The following LANCL2 variants were observed in gnomAD, a reference collection of about 807,000 sequenced individuals.
The protein encoded by LANCL2 is lanC-like protein 2.
Under a neutral mutation model 56.9 loss-of-function variants are expected in LANCL2, and 33 were observed. The observed-to-expected ratio is 0.58, with a 90% CI of 0.44 to 0.78. LANCL2 has a LOEUF of 0.78. LANCL2 is among the 30% of genes least tolerant of loss of function. LANCL2 has a pLI of 0.00. For missense variants in LANCL2, 562 were observed against 580.2 expected (o/e 0.97, Z 0.32); for synonymous variants, 233 against 228.2 (o/e 1.02, Z -0.19).
intron 2 of LANCL2, among the ~76,000 whole-genome samples, chr7:55,397,656 CTTTTTTT>C (rs10659615): frequency 2.8e-5 from 3 of 108,852 alleles, no homozygotes; most frequent in Admixed American, 1.0e-4. Context: ...TATACTGATT[CTTTTTTT>C]TTTTTTTTTT....
chr7:55,376,016 T>C (rs1397089747), intron 1 of LANCL2, among the ~76,000 whole-genome samples: 1 of 152,232 alleles, frequency 6.6e-6, no homozygotes, highest in African/African-American at 2.4e-5. Context: ...TTTTATGGGC[T>C]CATGGGATTA....
rs1175793894 is a variant in LANCL2, at chr7:55,402,086, C to T, written c.825+766C>T. Among the ~76,000 whole-genome samples the T allele has an allele frequency of 3.5e-5, 5 of 144,308 alleles. No homozygotes were observed. The East Asian group carries it at 1.1e-3, about 30-fold the overall frequency. 94.7% of individuals were successfully genotyped at this position (144,308 alleles called of 152,430 possible). On this transcript the variant is annotated intron_variant, in intron 5 of 8. Transcript: ENST00000254770. ...CCTCCCAGACGGGGTGGTGGCCGGG[C>T]AGAGGGGCTCCTCACTTCCCAGTAG... is the stretch of plus-strand genomic sequence containing the variant.
At chr7:55,372,578 C>G (rs1166256088) in intron 1 of LANCL2, among the ~76,000 whole-genome samples, 1 of 152,172 alleles carries the variant, frequency 6.6e-6, no homozygotes, top group African/African-American at 2.4e-5. Context: ...ACATTTAAAA[C>G]ATTCAGAACG....
intron 1 of LANCL2, among the ~76,000 whole-genome samples, chr7:55,388,019 G>C (rs1790145377): frequency 6.6e-6 from 1 of 152,220 alleles, no homozygotes; most frequent in Non-Finnish European, 1.5e-5. Flanking sequence ...TAGGAAGAAA[G>C]AGGGGAAGAG....
chr7:55,418,137 A>G (rs1164807534), intron 6 of LANCL2, among the ~76,000 whole-genome samples: 3 of 149,994 alleles, frequency 2.0e-5, no homozygotes, highest in Middle Eastern at 3.5e-3. Context: ...TATGTTATTT[A>G]TTTACATTTT....
chr7:55,366,284 C>T, intron 1 of LANCL2, 55 bp downstream of exon 1: 1 of 1,379,386 alleles, frequency 7.2e-7, no homozygotes, highest in South Asian at 1.5e-5. Context: ...GCGGTGGTAG[C>T]GTCCACCTTC....
At chr7:55,382,981 G>C (rs1391529415) in intron 1 of LANCL2, among the ~76,000 whole-genome samples, 4 of 152,254 alleles carry the variant, frequency 2.6e-5, no homozygotes, top group Non-Finnish European at 5.9e-5. Flanking sequence ...CTCTTGGCCA[G>C]CATGGTGGCT....
At chr7:55,373,737 A>G (rs562062744) in intron 1 of LANCL2, among the ~76,000 whole-genome samples, 14 of 152,342 alleles carry the variant, frequency 9.2e-5, no homozygotes, top group African/African-American at 3.4e-4. Context: ...ATTTAATGAT[A>G]CAATTTTGTA....
intron 5 of LANCL2, among the ~76,000 whole-genome samples, chr7:55,411,622 C>T (rs1317647718): frequency 1.3e-5 from 2 of 152,152 alleles, no homozygotes; most frequent in Non-Finnish European, 2.9e-5. Flanking sequence ...AAAACAAAAC[C>T]TATCTACTCC....
At position 55,425,512 on chromosome 7, in the gene LANCL2, CCTT is replaced by C. The variant is rs1289106006; in HGVS notation, c.1185+86_1185+88del. 10 of 1,299,196 alleles carry C rather than the reference CCTT, an allele frequency of 7.7e-6. No individual in the cohort carries two copies. In the African/African-American group the frequency reaches 1.3e-4, roughly 17 times the overall value. The allele number at this position is 1,299,196 out of a possible 1,614,324, so 80.5% of individuals were successfully genotyped here. On this transcript the variant is annotated intron_variant, in intron 7 of 8. Transcript: ENST00000254770. ...AGAGTCCAGAAGTACAACTCCTGTT[CCTT>C]CTTTTAACCTGTTTCTCCCAGTTCT...
intron 6 of LANCL2, among the ~76,000 whole-genome samples, chr7:55,424,433 G>A (rs1790640511): frequency 6.6e-6 from 1 of 152,122 alleles, no homozygotes; most frequent in African/African-American, 2.4e-5. Context: ...AGGGTCCTCA[G>A]GTCCTGTTGA....
chr7:55,368,114 A>C (rs1789895785), intron 1 of LANCL2, among the ~76,000 whole-genome samples: 1 of 152,234 alleles, frequency 6.6e-6, no homozygotes, highest in Non-Finnish European at 1.5e-5. Context: ...AATGAAATGA[A>C]CTCTTGACAT....
chr7:55,395,199 T>C (rs1790236608), intron 2 of LANCL2, among the ~76,000 whole-genome samples: 2 of 151,956 alleles, frequency 1.3e-5, no homozygotes, highest in Admixed American at 1.3e-4. Flanking sequence ...AAATTCAATT[T>C]TAAGAAAAAA....
At chr7:55,376,200 C>T (rs970955525) in intron 1 of LANCL2, among the ~76,000 whole-genome samples, 1 of 152,176 alleles carries the variant, frequency 6.6e-6, no homozygotes, top group African/African-American at 2.4e-5. Context: ...CTGTTGATAT[C>T]ACTTTTGGTA....
At chr7:55,393,082 T>C (rs1790210783) in intron 2 of LANCL2, among the ~76,000 whole-genome samples, 1 of 152,242 alleles carries the variant, frequency 6.6e-6, no homozygotes, top group South Asian at 2.1e-4. Context: ...CTTATTATTT[T>C]ACCCAGTATT....
At chr7:55,376,417 TGAGGAGCAAGC>T (rs1790003181) in intron 1 of LANCL2, among the ~76,000 whole-genome samples, 1 of 152,154 alleles carries the variant, frequency 6.6e-6, no homozygotes, top group Non-Finnish European at 1.5e-5. Flanking sequence ...TTTAGCCCAT[TGAGGAGCAAGC>T]TTTCAGGGCC....
At chr7:55,410,432 T>C (rs1790457924) in intron 5 of LANCL2, among the ~76,000 whole-genome samples, 1 of 152,256 alleles carries the variant, frequency 6.6e-6, no homozygotes, top group Non-Finnish European at 1.5e-5. Context: ...TTAGCTTTCC[T>C]TCATTTTTAA....
chr7:55,392,320 ATCTTTTTTTTT>A (rs1790200816), intron 2 of LANCL2, among the ~76,000 whole-genome samples: 1 of 148,874 alleles, frequency 6.7e-6, no homozygotes, highest in Non-Finnish European at 1.5e-5. Context: ...AAGATTTTAT[ATCTTTTTTTTT>A]TCTTTTTTTT....
intron 7 of LANCL2, 140 bp from the exon 8 acceptor site, chr7:55,428,235 A>C (rs1790686641): frequency 1.4e-6 from 1 of 708,072 alleles, no homozygotes; most frequent in African/African-American, 1.7e-5. Flanking sequence ...GAGGGGGTGC[A>C]GTAGCCCATG....
Sources: gnomAD v4.1 joint callset for allele counts (sites outside exome capture counted in the v4.1 genomes callset) on GRCh38, gnomAD v4.1.1 for gene constraint, MANE v1.5 for transcripts, NCBI Gene and HGNC (gene_info 2026-07-23, HGNC 2026-07-21) for gene names.